SLC24A3: variants seen among roughly 807,000 people sequenced by gnomAD.
SLC24A3 encodes the protein sodium/potassium/calcium exchanger 3.
A neutral mutation model predicts 75.8 loss-of-function variants in SLC24A3; 28 were observed. The observed-to-expected ratio is 0.37, with a 90% CI of 0.27 to 0.51. SLC24A3 has a LOEUF of 0.51. Ranked by LOEUF, SLC24A3 falls within the 20% of genes least tolerant of loss-of-function variation. SLC24A3 has a pLI of 0.94. For missense variants in SLC24A3, 663 were observed against 847.8 expected (o/e 0.78, Z 2.71); for synonymous variants, 372 against 334.1 (o/e 1.11, Z -1.24).
At chr20:19,587,250 C>A (rs1338231047) in intron 6 of SLC24A3, among the ~76,000 whole-genome samples, 1 of 152,206 alleles carries the variant, frequency 6.6e-6, no homozygotes, top group Non-Finnish European at 1.5e-5. Context: ...AAACAAATGA[C>A]TGGGGAGCAT....
chr20:19,279,378 C>G (rs1983589497), intron 1 of SLC24A3, among the ~76,000 whole-genome samples: 1 of 152,204 alleles, frequency 6.6e-6, no homozygotes, highest in Admixed American at 6.5e-5. Flanking sequence ...TGGGAAGAGC[C>G]ACTTTTGCAG....
chr20:19,348,378 G>A (rs1169791755), intron 2 of SLC24A3, among the ~76,000 whole-genome samples: 5 of 152,146 alleles, frequency 3.3e-5, no homozygotes, highest in Non-Finnish European at 1.5e-5. Context: ...ATAGCTGGAG[G>A]TCCATTGTCG....
At chr20:19,663,790 C>T (rs1188008165) in intron 7 of SLC24A3, among the ~76,000 whole-genome samples, 1 of 151,990 alleles carries the variant, frequency 6.6e-6, no homozygotes, top group African/African-American at 2.4e-5. Flanking sequence ...TTATTGTGCT[C>T]CTGTTTGGGG....
chr20:19,448,909 A>G (rs1467961610), intron 2 of SLC24A3, among the ~76,000 whole-genome samples: 1 of 152,254 alleles, frequency 6.6e-6, no homozygotes, highest in African/African-American at 2.4e-5. Context: ...TCTCCTACTA[A>G]TAAAGGAGAG....
rs2032390699 is a variant in SLC24A3, at chr20:19,665,730, G to A, written c.688-134G>A. 4.1e-6 allele frequency: 5 copies of A among 1,213,696 alleles called. No homozygotes were observed. The South Asian group carries it at 8.8e-5, about 21-fold the overall frequency. The allele number at this position is 1,213,696 out of a possible 1,614,324, so 75.2% of individuals were successfully genotyped here. ...TACCCACAGGGACTCCAGGTCCCAG[G>A]ACAACCCAGTCCTGATTACACCATC... On this transcript the variant is annotated intron_variant, in intron 7 of 16. Transcript: ENST00000328041.
At chr20:19,551,771 C>G (rs1175617305) in intron 3 of SLC24A3, among the ~76,000 whole-genome samples, 7 of 152,276 alleles carry the variant, frequency 4.6e-5, no homozygotes, top group Admixed American at 2.6e-4. Flanking sequence ...GCTCTCCTCC[C>G]AAGTCCTAGC....
intron 9 of SLC24A3, 50 bp from the exon 10 acceptor site, chr20:19,681,808 G>T (rs1250538767): frequency 6.2e-6 from 10 of 1,612,044 alleles, no homozygotes; most frequent in Non-Finnish European, 8.5e-6. Flanking sequence ...GTTGAGAAAT[G>T]GGAGAATGGA....
chr20:19,538,628 C>G (rs938672971), intron 3 of SLC24A3, among the ~76,000 whole-genome samples: 6 of 152,102 alleles, frequency 3.9e-5, no homozygotes, highest in African/African-American at 1.4e-4. Flanking sequence ...CAAGTGTTGA[C>G]AAGTATCTAA....
chr20:19,536,085 TG>T (rs746561047), intron 3 of SLC24A3, among the ~76,000 whole-genome samples: 2 of 152,246 alleles, frequency 1.3e-5, no homozygotes, highest in African/African-American at 4.8e-5. Context: ...GCATGAACTT[TG>T]GGGGAAGCAC....
chr20:19,273,272 T>C (rs559944610), intron 1 of SLC24A3, among the ~76,000 whole-genome samples: 11 of 152,132 alleles, frequency 7.2e-5, no homozygotes, highest in Non-Finnish European at 1.3e-4. Flanking sequence ...TGATGGGAAG[T>C]AGAGAAAGAG....
At chr20:19,329,321 C>T (rs1271933767) in intron 2 of SLC24A3, among the ~76,000 whole-genome samples, 1 of 152,072 alleles carries the variant, frequency 6.6e-6, no homozygotes, top group Non-Finnish European at 1.5e-5. Context: ...TTCCTGTTTA[C>T]CTGAATGTAT....
At chr20:19,257,666 CTT>C (rs1402755623) in intron 1 of SLC24A3, 1 of 152,162 alleles carries the variant, frequency 6.6e-6, no homozygotes, top group Non-Finnish European at 1.5e-5. Context: ...AGAAGTCTCA[CTT>C]ATATCTCTTT....
At chr20:19,341,919 A>C (rs957124243) in intron 2 of SLC24A3, among the ~76,000 whole-genome samples, 15 of 152,206 alleles carry the variant, frequency 9.9e-5, no homozygotes, top group African/African-American at 3.6e-4. Flanking sequence ...CCCTGGACTC[A>C]TCTGGCTGCA....
chr20:19,337,182 C>T (rs766214797), intron 2 of SLC24A3, among the ~76,000 whole-genome samples: 3 of 152,184 alleles, frequency 2.0e-5, no homozygotes, highest in African/African-American at 2.4e-5. Context: ...CAGTGGCTCA[C>T]GCCTGTAATC....
intron 2 of SLC24A3, among the ~76,000 whole-genome samples, chr20:19,405,519 C>T (rs567647623): frequency 5.3e-5 from 8 of 152,274 alleles, no homozygotes; most frequent in African/African-American, 1.9e-4. Context: ...GTACTTAGTA[C>T]CCTGGCCACA....
chr20:19,672,288 G>T (rs951429278), intron 8 of SLC24A3, among the ~76,000 whole-genome samples: 2 of 152,172 alleles, frequency 1.3e-5, no homozygotes, highest in African/African-American at 4.8e-5. Context: ...TCTCAATAGT[G>T]CATCTGAGCA....
At chr20:19,335,316 A>C (rs1330794112) in intron 2 of SLC24A3, among the ~76,000 whole-genome samples, 1 of 152,140 alleles carries the variant, frequency 6.6e-6, no homozygotes, top group East Asian at 1.9e-4. Flanking sequence ...CTTTAGCTGG[A>C]TGGGTTTCCA....
At chr20:19,268,935 A>T (rs1039472316) in intron 1 of SLC24A3, among the ~76,000 whole-genome samples, 1 of 152,226 alleles carries the variant, frequency 6.6e-6, no homozygotes, top group Admixed American at 6.5e-5. Context: ...TCTCATCAGA[A>T]TGTTTAGTAA....
intron 3 of SLC24A3, among the ~76,000 whole-genome samples, chr20:19,527,328 C>T (rs1357928851): frequency 6.6e-6 from 1 of 152,184 alleles, no homozygotes; most frequent in East Asian, 1.9e-4. Context: ...AGCACGGCAC[C>T]TTGCATGGAA....
Sources: gnomAD v4.1 joint callset for allele counts (sites outside exome capture counted in the v4.1 genomes callset) on GRCh38, gnomAD v4.1.1 for gene constraint, MANE v1.5 for transcripts, NCBI Gene and HGNC (gene_info 2026-07-23, HGNC 2026-07-21) for gene names.